Variants in SNX3 observed in about 807,000 individuals in gnomAD.
SNX3 encodes sorting nexin 3, also known as sorting nexin-3.
Under a neutral mutation model 17.7 loss-of-function variants are expected in SNX3, and 5 were observed. That is an observed-to-expected ratio of 0.28 (90% CI 0.15 to 0.59). The LOEUF (loss-of-function observed/expected upper bound fraction) is 0.59, where lower values mean the gene tolerates loss of function less well. Among genes scored for constraint, SNX3 ranks in the 20% least tolerant of loss-of-function variants. The probability of loss-of-function intolerance (pLI) is 0.88; values close to 1 mark genes in which losing one functional copy is unlikely to be tolerated. For missense variants in SNX3, 132 were observed against 206.8 expected (o/e 0.64, Z 2.22); for synonymous variants, 91 against 76.5 (o/e 1.19, Z -0.99).
At chr6:108,248,548 C>T (rs1206023162) in intron 1 of SNX3, among the ~76,000 whole-genome samples, 2 of 152,066 alleles carry the variant, frequency 1.3e-5, no homozygotes, top group Non-Finnish European at 2.9e-5. Flanking sequence ...AACAATTGAT[C>T]GGATGTTTTG....
In SNX3 at chr6:108,233,979, C is replaced by T. The variant is rs148885892; in HGVS notation, c.163-10934G>A. Among the ~76,000 whole-genome samples the T allele has an allele frequency of 1.6e-3, 250 of 152,120 alleles. 7 individuals are homozygous for T. In the East Asian group the frequency reaches 0.045, roughly 27 times the overall value. ...TAAGAAGCTCTATTCAGTAAGTACT[C>T]GTATTTTCTAAGCTTCTACATATGG... is the stretch of plus-strand genomic sequence containing the variant. On this transcript the variant is annotated intron_variant, in intron 1 of 3. Transcript: ENST00000230085.
At chr6:108,235,585 A>G (rs1275892988) in intron 1 of SNX3, among the ~76,000 whole-genome samples, 1 of 152,172 alleles carries the variant, frequency 6.6e-6, no homozygotes, top group Non-Finnish European at 1.5e-5. Context: ...ATCTCTAAAA[A>G]CTTGGTAACT....
chr6:108,246,867 G>A (rs1414046477), intron 1 of SNX3, among the ~76,000 whole-genome samples: 1 of 151,998 alleles, frequency 6.6e-6, no homozygotes, highest in African/African-American at 2.4e-5. Flanking sequence ...GTCCACACTG[G>A]ATTAGCTTCT....
At chr6:108,226,400 TCA>T (rs1190253344) in intron 1 of SNX3, among the ~76,000 whole-genome samples, 5 of 152,190 alleles carry the variant, frequency 3.3e-5, no homozygotes, top group African/African-American at 9.7e-5. Flanking sequence ...GTGCAAATTA[TCA>T]CAAAGTTTGT....
In SNX3 at chr6:108,255,580, G is replaced by C. The variant is rs143161431; in HGVS notation, c.162+5180C>G. On this transcript the variant is annotated intron_variant, in intron 1 of 3. Transcript: ENST00000230085. The stretch of plus-strand genomic sequence containing the variant: ...TTGCCCAGGCTGTGTGGCAACGCCT[G>C]AGCTCAAGTAGTCCTCCCACCTTGG... Among the ~76,000 whole-genome samples the C allele has an allele frequency of 3.1e-3, 475 of 152,222 alleles. 4 individuals are homozygous for C. The highest frequency in any genetic ancestry group is 0.011 in the African/African-American group (459 of 41,526).
intron 2 of SNX3, among the ~76,000 whole-genome samples, chr6:108,221,350 T>TC (rs1291751473): frequency 2.0e-5 from 3 of 150,428 alleles, no homozygotes; most frequent in Non-Finnish European, 3.0e-5. Flanking sequence ...AACAACCCCC[T>TC]CCCCCGCAAT....
At chr6:108,233,643 G>A (rs1775235932) in intron 1 of SNX3, among the ~76,000 whole-genome samples, 1 of 152,182 alleles carries the variant, frequency 6.6e-6, no homozygotes, top group South Asian at 2.1e-4. Flanking sequence ...CAGCTACTCG[G>A]GAGGCTGAGG....
chr6:108,224,206 C>T (rs1297138375), intron 1 of SNX3, among the ~76,000 whole-genome samples: 1 of 152,190 alleles, frequency 6.6e-6, no homozygotes, highest in East Asian at 1.9e-4. Flanking sequence ...TAGGCTCCAG[C>T]AATCCTCTCG....
rs541251485 is a variant in SNX3 at position 108,219,495 on chromosome 6, C to T, written c.258+3455G>A. Among the ~76,000 whole-genome samples, 94 of 152,294 alleles carry T rather than the reference C, an allele frequency of 6.2e-4. 1 individual carries two copies. The highest frequency in any genetic ancestry group is 2.2e-3 in the African/African-American group (90 of 41,560). On this transcript the variant is annotated intron_variant, in intron 2 of 3. Transcript: ENST00000230085. ...TGGTGGCTCATGCCTGTAGTCCCAG[C>T]TACTTGGGAGGCTGAGGCAGGAAAA...
chr6:108,215,831 C>T (rs893107787), intron 2 of SNX3, among the ~76,000 whole-genome samples: 10 of 151,808 alleles, frequency 6.6e-5, no homozygotes, highest in Middle Eastern at 3.2e-3. Flanking sequence ...ACTTAGGAGG[C>T]GGAAGTGGGA....
At chr6:108,223,135 A>G (rs56401328) in intron 1 of SNX3, 90 bp from the exon 2 acceptor site, 486 of 681,792 alleles carry the variant, frequency 7.1e-4, no homozygotes, top group Non-Finnish European at 1.1e-3. Context: ...AAAAGAAATC[A>G]TGACTTTCTT....
At chr6:108,222,161 A>G in intron 2 of SNX3, 4 of 1,241,184 alleles carry the variant, frequency 3.2e-6, no homozygotes, top group Non-Finnish European at 4.2e-6. Context: ...ACCCTTATTA[A>G]ACTTGAGAAA....
intron 1 of SNX3, among the ~76,000 whole-genome samples, chr6:108,237,983 G>GCTA (rs1349368093): frequency 6.6e-6 from 1 of 151,006 alleles, no homozygotes; most frequent in Non-Finnish European, 1.5e-5. Flanking sequence ...TGTAGTCTCA[G>GCTA]CTACTCGGGA....
At chr6:108,244,661 T>G (rs1775629423) in intron 1 of SNX3, among the ~76,000 whole-genome samples, 1 of 145,924 alleles carries the variant, frequency 6.9e-6, no homozygotes, top group South Asian at 2.3e-4. Context: ...TTTTTTTTTT[T>G]TTTTTTTTTT....
At chr6:108,246,764 G>A (rs1193047999) in intron 1 of SNX3, among the ~76,000 whole-genome samples, 2 of 152,030 alleles carry the variant, frequency 1.3e-5, no homozygotes, top group Non-Finnish European at 2.9e-5. Context: ...CTGGAGTGCA[G>A]GGGCAAGATC....
chr6:108,238,905 C>CT lies in SNX3; in HGVS notation c.163-15861dup, dbSNP rs34790159. Among the ~76,000 whole-genome samples the CT allele has an allele frequency of 4.3e-3, 609 of 142,892 alleles. 1 individual carries two copies. The highest frequency in any genetic ancestry group is 0.012 in the African/African-American group (452 of 39,248). The allele number at this position is 142,892 out of a possible 152,430, so 93.7% of individuals were successfully genotyped here. ...CACAAACTTGTGACACCTTTTCTTT[C>CT]TTTTTTTTTTTTTGGAGACAGAGTC... On this transcript the variant is annotated intron_variant, in intron 1 of 3. Coordinates refer to ENST00000230085, the MANE Select transcript of SNX3 (RefSeq NM_003795.6).
chr6:108,250,865 C>T (rs1043830113), intron 1 of SNX3, among the ~76,000 whole-genome samples: 6 of 152,270 alleles, frequency 3.9e-5, no homozygotes, highest in African/African-American at 1.4e-4. Context: ...ATCAAATGAC[C>T]ATTCCAATAC....
chr6:108,246,302 C>A (rs952488270), intron 1 of SNX3, among the ~76,000 whole-genome samples: 5 of 123,514 alleles, frequency 4.0e-5, no homozygotes, highest in Non-Finnish European at 8.4e-5. Flanking sequence ...CTTAAAAGAG[C>A]TTTGAGCATT....
At chr6:108,217,913 G>A (rs1284379194) in intron 2 of SNX3, among the ~76,000 whole-genome samples, 1 of 152,262 alleles carries the variant, frequency 6.6e-6, no homozygotes, top group East Asian at 1.9e-4. Flanking sequence ...ATACATGTCA[G>A]CTAATTTCTA....
Sources: gnomAD v4.1 joint callset for allele counts (sites outside exome capture counted in the v4.1 genomes callset) on GRCh38, gnomAD v4.1.1 for gene constraint, MANE v1.5 for transcripts, NCBI Gene and HGNC (gene_info 2026-07-23, HGNC 2026-07-21) for gene names.